SLC26A8: variants seen among roughly 807,000 people sequenced by gnomAD.
SLC26A8 encodes solute carrier family 26 member 8, also known as testis anion transporter 1.
In SLC26A8, 70 loss-of-function variants were observed where a neutral mutation model predicts 105.0. The observed-to-expected ratio is 0.67, with a 90% CI of 0.55 to 0.81. SLC26A8 has a LOEUF of 0.81. SLC26A8 is among the 40% of genes least tolerant of loss of function. The probability of loss-of-function intolerance (pLI) is 0.00; values close to 1 mark genes in which losing one functional copy is unlikely to be tolerated. For missense variants in SLC26A8, 998 were observed against 1,181.8 expected, an observed-to-expected ratio of 0.84 and a Z score of 2.28; for synonymous variants, 415 against 438.3, an observed-to-expected ratio of 0.95 and a Z score of 0.66.
At chr6:36,018,638 TG>T (rs1290131506) in intron 2 of SLC26A8, among the ~76,000 whole-genome samples, 39 of 152,324 alleles carry the variant, frequency 2.6e-4, no homozygotes, top group African/African-American at 9.1e-4. Flanking sequence ...TATTTAAAAA[TG>T]GTCAAAATAG....
At chr6:35,966,043 C>G (rs1278320477) in intron 11 of SLC26A8, among the ~76,000 whole-genome samples, 1 of 151,524 alleles carries the variant, frequency 6.6e-6, no homozygotes, top group African/African-American at 2.4e-5. Context: ...TCATGAAATT[C>G]CTGTATTGGT....
chr6:35,982,271 A>G (rs989985758), intron 7 of SLC26A8, 68 bp from the exon 8 acceptor site: 4 of 1,504,878 alleles, frequency 2.7e-6, no homozygotes, highest in African/African-American at 1.4e-5. Context: ...CGCTTCTAGA[A>G]GCAGAGTTGC....
At position 35,951,318 on chromosome 6, in the gene SLC26A8, C is replaced by T. The variant is rs912786844; in HGVS notation, c.2317G>A (p.Asp773Asn). The T allele has an allele frequency of 8.7e-6, 14 of 1,614,148 alleles. No individual in the cohort carries two copies. The highest frequency in any genetic ancestry group is 1.2e-5 in the Non-Finnish European group (14 of 1,180,036). The stretch of plus-strand genomic sequence containing the variant: ...TTGGTGATGCCAGCGTCAAAGAAAT[C>T]ATTCCTCTCAAATGCCCTGACTATG... ...SSIVRAFERNDFFDAGITKTQ... is the reference protein window; with the variant it reads ...SSIVRAFERNNFFDAGITKTQ... The change falls in exon 19 of 20, where the codon GAT (aspartate) becomes AAT (asparagine). Residue 773 changes from aspartate to asparagine, a missense_variant. Physicochemically the swap from Asp to Asn is conservative, Grantham distance 23. Transcript: ENST00000490799.
chr6:35,959,684 G>A, intron 15 of SLC26A8, 30 bp downstream of exon 15: 1 of 1,603,998 alleles, frequency 6.2e-7, no homozygotes, highest in Admixed American at 1.7e-5. Flanking sequence ...GAGTGGGCAG[G>A]TTGAGAAAGG....
chr6:35,959,838 T>G, intron 14 of SLC26A8, 32 bp from the exon 15 acceptor site: 435 of 1,314,970 alleles, frequency 3.3e-4, no homozygotes, highest in Non-Finnish European at 4.0e-4. Context: ...TGAGGGAAAT[T>G]TCTCAGTTAT....
At chr6:36,021,945 A>C (rs1275857934) in intron 1 of SLC26A8, among the ~76,000 whole-genome samples, 1 of 151,592 alleles carries the variant, frequency 6.6e-6, no homozygotes, top group Non-Finnish European at 1.5e-5. Context: ...CTGGGATTAC[A>C]CGCGTGAGCC....
chr6:35,997,889 A>C lies in SLC26A8; in HGVS notation c.476T>G (p.Ile159Ser), dbSNP rs1761401473. 1.9e-6 allele frequency: 3 copies of C among 1,614,156 alleles called. No individual in the cohort carries two copies. Among genetic ancestry groups the C allele is most frequent in the Non-Finnish European group, 2.5e-6 (3 of 1,180,026 alleles). Residue 159 changes from isoleucine to serine, a missense_variant, in exon 5 of 20, where the codon ATC (isoleucine) becomes AGC (serine). Physicochemically the swap from Ile to Ser is moderately radical, Grantham distance 142. Transcript: ENST00000490799. ...GAATGGGCTCACTTTCAGAACGTTG[A>C]TCAGCAGAGCACTCACCAGGAAGAA... is the stretch of plus-strand genomic sequence containing the variant. ...GSFFLVSALL[I>S]NVLKVSPFNN...
intron 16 of SLC26A8, among the ~76,000 whole-genome samples, chr6:35,956,827 G>A (rs1306959434): frequency 6.6e-6 from 1 of 151,894 alleles, no homozygotes; most frequent in Non-Finnish European, 1.5e-5. Context: ...GCTGAGGCAG[G>A]AGAATCGCTT....
At chr6:35,987,529 G>T (rs1285461192) in intron 7 of SLC26A8, among the ~76,000 whole-genome samples, 1 of 152,054 alleles carries the variant, frequency 6.6e-6, no homozygotes, top group East Asian at 1.9e-4. Context: ...ACAACACCAT[G>T]CCCAGCTAAT....
intron 1 of SLC26A8, chr6:36,024,186 G>A (rs1762200621): frequency 3.7e-6 from 1 of 270,682 alleles, no homozygotes; most frequent in Non-Finnish European, 7.3e-6. Flanking sequence ...GGATGGGGTA[G>A]GCGGTGGGGT....
intron 17 of SLC26A8, among the ~76,000 whole-genome samples, chr6:35,953,596 T>C (rs969758957): frequency 1.1e-4 from 16 of 152,128 alleles, no homozygotes; most frequent in African/African-American, 3.4e-4. Flanking sequence ...GGGGAGAACA[T>C]AGCCCAGTAG....
At chr6:35,991,607 T>A (rs1047953153) in intron 7 of SLC26A8, 52 bp downstream of exon 7, 25 of 1,404,432 alleles carry the variant, frequency 1.8e-5, no homozygotes, top group South Asian at 6.5e-5. Flanking sequence ...AGCATTTTTT[T>A]AAAATACTAA....
chr6:36,022,072 A>G (rs1199385778), intron 1 of SLC26A8, among the ~76,000 whole-genome samples: 1 of 152,128 alleles, frequency 6.6e-6, no homozygotes, highest in Non-Finnish European at 1.5e-5. Flanking sequence ...GGTTCAAGCG[A>G]TTCTCCTGCC....
In SLC26A8 at chr6:35,951,341, A is replaced by G. The variant is rs1254204528; in HGVS notation, c.2294T>C (p.Ile765Thr). 13 of 1,614,114 alleles carry G rather than the reference A, an allele frequency of 8.1e-6. No individual in the cohort carries two copies. The highest frequency in any genetic ancestry group is 1.1e-5 in the Non-Finnish European group (13 of 1,180,028). The part of the protein sequence containing the change: ...LILIAGCHSS[I>T]VRAFERNDFF... ...ATCATTCCTCTCAAATGCCCTGACT[A>G]TGGAAGCTAAAAACCAAACCCAGAA... is the stretch of plus-strand genomic sequence containing the variant. Residue 765 changes from isoleucine to threonine, a missense_variant, in exon 19 of 20, where the codon ATA becomes ACA. Ile to Thr is a moderately conservative substitution (Grantham distance 89). Coordinates refer to ENST00000490799, the MANE Select transcript of SLC26A8 (RefSeq NM_052961.4).
intron 7 of SLC26A8, among the ~76,000 whole-genome samples, chr6:35,984,315 T>C (rs1486374335): frequency 9.0e-6 from 1 of 111,456 alleles, no homozygotes; most frequent in African/African-American, 3.2e-5. Flanking sequence ...TTCTTCTTCT[T>C]CTTATTTTTT....
chr6:36,016,689 C>G (rs1312336484), intron 2 of SLC26A8, among the ~76,000 whole-genome samples: 1 of 152,118 alleles, frequency 6.6e-6, no homozygotes, highest in African/African-American at 2.4e-5. Context: ...ATTATTCAAC[C>G]AAGACCGTTT....
intron 7 of SLC26A8, chr6:35,990,240 G>T (rs1773711349): frequency 5.2e-6 from 1 of 192,568 alleles, no homozygotes; most frequent in Non-Finnish European, 1.1e-5. Flanking sequence ...CCTGGCCTCT[G>T]CTCTGTGGTT....
chr6:36,012,395 C>G, intron 2 of SLC26A8, 23 bp from the exon 3 acceptor site: 1 of 1,549,668 alleles, frequency 6.5e-7, no homozygotes, highest in Non-Finnish European at 8.7e-7. Flanking sequence ...GGAGCAGAGA[C>G]TTGGTTAGTT....
chr6:36,015,125 T>G (rs947728765), intron 2 of SLC26A8, among the ~76,000 whole-genome samples: 7 of 148,746 alleles, frequency 4.7e-5, no homozygotes, highest in South Asian at 2.1e-4. Flanking sequence ...TTTTTTTTTT[T>G]GAGAGGGAGT....
Sources: gnomAD v4.1 joint callset for allele counts (sites outside exome capture counted in the v4.1 genomes callset) on GRCh38, gnomAD v4.1.1 for gene constraint, MANE v1.5 for transcripts, NCBI Gene and HGNC (gene_info 2026-07-23, HGNC 2026-07-21) for gene names.